The following PAK3 variants were observed in gnomAD, a reference collection of about 807,000 sequenced individuals.
The protein encoded by PAK3 is serine/threonine-protein kinase PAK 3.
PAK3 carries 4 observed loss-of-function variants against 41.0 expected under a neutral mutation model. That is an observed-to-expected ratio of 0.10 (90% CI 0.05 to 0.22). The LOEUF (loss-of-function observed/expected upper bound fraction) is 0.22. PAK3 is among the 10% of genes least tolerant of loss of function. The pLI, the probability that PAK3 is intolerant of heterozygous loss-of-function variation, is 1.00. For synonymous variants in PAK3, 146 were observed against 139.6 expected, an observed-to-expected ratio of 1.05 and a Z score of -0.32; for missense variants, 205 against 409.9, an observed-to-expected ratio of 0.50 and a Z score of 4.32.
chrX:110,963,802 T>C (rs1390126176), intron 1 of PAK3, among the ~76,000 whole-genome samples: 1 of 112,391 alleles, frequency 8.9e-6, no homozygotes, highest in Non-Finnish European at 1.9e-5. Flanking sequence ...TCAGTTCTGA[T>C]ACCTTGAGTC....
At chrX:111,002,829 G>C (rs1473457338) in intron 1 of PAK3, among the ~76,000 whole-genome samples, 2 of 111,024 alleles carry the variant, frequency 1.8e-5, no homozygotes, top group East Asian at 5.7e-4. Context: ...TTAGCCCCTC[G>C]CATTCAGTGG....
At chrX:110,953,469 A>G (rs1452871281) in intron 1 of PAK3, among the ~76,000 whole-genome samples, 1 of 112,258 alleles carries the variant, frequency 8.9e-6, no homozygotes, top group Non-Finnish European at 1.9e-5. Flanking sequence ...TCACTTGGGG[A>G]CATTTTAAAA....
chrX:111,077,016 T>TC (rs752558619), intron 1 of PAK3, among the ~76,000 whole-genome samples: 27 of 108,862 alleles, frequency 2.5e-4, no homozygotes, highest in South Asian at 7.9e-4. Flanking sequence ...TAATGAACTA[T>TC]CCCCCCCCAA....
chrX:111,023,780 A>G (rs1260687974), intron 1 of PAK3, among the ~76,000 whole-genome samples: 1 of 111,591 alleles, frequency 9.0e-6, no homozygotes. Flanking sequence ...TTCTTTGTAG[A>G]TTCTGGATAT....
chrX:111,144,472 G>A (rs1326121861), intron 6 of PAK3, among the ~76,000 whole-genome samples: 1 of 111,389 alleles, frequency 9.0e-6, no homozygotes, highest in Non-Finnish European at 1.9e-5. Context: ...ATGTAAACAT[G>A]CCAAATTATA....
intron 1 of PAK3, among the ~76,000 whole-genome samples, chrX:111,050,272 A>G (rs1332825730): frequency 9.0e-6 from 1 of 111,184 alleles, no homozygotes. Flanking sequence ...CAGCCCCCAT[A>G]TTTATGCCTC....
chrX:110,945,027 C>A (rs1461584874), intron 1 of PAK3, among the ~76,000 whole-genome samples: 1 of 112,265 alleles, frequency 8.9e-6, no homozygotes, highest in African/African-American at 3.2e-5. Context: ...ACAACAAAAC[C>A]AGTCCTCCTC....
At position 111,226,040 on chromosome X, in the gene PAK3, G is replaced by T. The variant is rs1247484237; in HGVS notation, c.*5593G>T. On this transcript the variant is annotated 3_prime_UTR_variant, in exon 18 of 18. Transcript: ENST00000372007. ...AAAAATACAAAATTAGCCGGGTGTGGTGGCGGGCGCCTGTAATCCCAGCTA... is the reference window on the plus strand; with the variant it reads ...AAAAATACAAAATTAGCCGGGTGTGTTGGCGGGCGCCTGTAATCCCAGCTA... The T allele has an allele frequency of 9.0e-6, 1 of 110,536 alleles. No individual in the cohort carries two copies. Among genetic ancestry groups the T allele is most frequent in the African/African-American group, 3.3e-5 (1 of 30,406 alleles). 9.1% of individuals were successfully genotyped at this position (110,536 alleles called of 1,213,427 possible).
intron 11 of PAK3, among the ~76,000 whole-genome samples, chrX:111,188,740 G>T (rs2094535397): frequency 9.0e-6 from 1 of 111,580 alleles, no homozygotes; most frequent in Non-Finnish European, 1.9e-5. Flanking sequence ...CTCTGATCTG[G>T]CACAGGGCTA....
intron 6 of PAK3, among the ~76,000 whole-genome samples, chrX:111,147,121 A>T (rs1231865235): frequency 9.0e-6 from 1 of 111,185 alleles, no homozygotes; most frequent in African/African-American, 3.3e-5. Flanking sequence ...CCAAAGCAGC[A>T]TTAATGTTAC....
chrX:111,043,074 G>A (rs1247849465), intron 1 of PAK3, among the ~76,000 whole-genome samples: 1 of 111,004 alleles, frequency 9.0e-6, no homozygotes, highest in Admixed American at 9.5e-5. Context: ...AGAATCACTT[G>A]AGCCCAGGAG....
chrX:111,022,856 A>T (rs1284761525), intron 1 of PAK3, among the ~76,000 whole-genome samples: 1 of 110,912 alleles, frequency 9.0e-6, no homozygotes. Flanking sequence ...TATTCCATGC[A>T]AACGGACACC....
intron 10 of PAK3, among the ~76,000 whole-genome samples, chrX:111,164,693 G>GA (rs1321146953): frequency 3.7e-4 from 41 of 111,599 alleles, no homozygotes; most frequent in Non-Finnish European, 7.0e-4. Context: ...GTGAGTGAAT[G>GA]AAAAAAATAA....
intron 8 of PAK3, among the ~76,000 whole-genome samples, chrX:111,159,277 G>C (rs997688451): frequency 7.2e-5 from 8 of 110,916 alleles, no homozygotes; most frequent in African/African-American, 2.6e-4. Context: ...AAACATAAGA[G>C]ACTAGTTAAG....
intron 7 of PAK3, among the ~76,000 whole-genome samples, chrX:111,150,367 A>G (rs2094008417): frequency 8.9e-6 from 1 of 111,882 alleles, no homozygotes; most frequent in Non-Finnish European, 1.9e-5. Flanking sequence ...ATTATTGGGT[A>G]TCTTTTTAGC....
intron 5 of PAK3, among the ~76,000 whole-genome samples, chrX:111,138,334 G>C (rs1470594763): frequency 1.8e-5 from 2 of 111,417 alleles, no homozygotes; most frequent in African/African-American, 3.3e-5. Context: ...CAAGCTAGTT[G>C]CTGGGGAATG....
intron 1 of PAK3, among the ~76,000 whole-genome samples, chrX:111,063,144 C>G (rs1196227963): frequency 1.8e-5 from 2 of 112,201 alleles, no homozygotes; most frequent in Non-Finnish European, 3.8e-5. Flanking sequence ...GTTCCTTAGT[C>G]CAGTTGTAGT....
chrX:110,952,388 CA>C (rs745980781), intron 1 of PAK3, among the ~76,000 whole-genome samples: 15 of 111,613 alleles, frequency 1.3e-4, no homozygotes, highest in Non-Finnish European at 2.3e-4. Flanking sequence ...ACCCATTTTA[CA>C]GATGGAGAAC....
chrX:111,222,127 A>G lies in PAK3; in HGVS notation c.*1680A>G. On this transcript the variant is annotated 3_prime_UTR_variant, in exon 18 of 18. Transcript: ENST00000372007. ...TTGAAAAACTAACAATTTGTGTTATAGAAGGCTTCTTAATTTGCAGTATAA... is the reference window on the plus strand; with the variant it reads ...TTGAAAAACTAACAATTTGTGTTATGGAAGGCTTCTTAATTTGCAGTATAA... The G allele has an allele frequency of 8.9e-6, 1 of 112,019 alleles. No homozygotes were observed. 9.2% of individuals were successfully genotyped at this position (112,019 alleles called of 1,213,427 possible).
Sources: gnomAD v4.1 joint callset for allele counts (sites outside exome capture counted in the v4.1 genomes callset) on GRCh38, gnomAD v4.1.1 for gene constraint, MANE v1.5 for transcripts, NCBI Gene and HGNC (gene_info 2026-07-23, HGNC 2026-07-21) for gene names.